Variants in RBM20 observed in about 807,000 individuals in gnomAD.
The protein encoded by RBM20 is RNA binding motif protein 20.
RBM20 carries 51 observed loss-of-function variants against 110.1 expected under a neutral mutation model. The ratio of observed to expected loss-of-function variants is 0.46; its 90% CI spans 0.37 to 0.59. The LOEUF (loss-of-function observed/expected upper bound fraction) is 0.59. Ranked by LOEUF, RBM20 falls within the 20% of genes least tolerant of loss-of-function variation. The pLI, the probability that RBM20 is intolerant of heterozygous loss-of-function variation, is 0.00. For missense variants in RBM20, 1,512 were observed against 1,574.9 expected (o/e 0.96, Z 0.68); for synonymous variants, 589 against 618.2 (o/e 0.95, Z 0.70).
At chr10:110,723,627 T>G (rs2134936637) in intron 1 of RBM20, among the ~76,000 whole-genome samples, 1 of 152,378 alleles carries the variant, frequency 6.6e-6, no homozygotes, top group African/African-American at 2.4e-5. Flanking sequence ...CTAGTGGATA[T>G]GAAGGGGAAA....
chr10:110,785,971 G>A (rs1033454337), intron 5 of RBM20, among the ~76,000 whole-genome samples: 1 of 152,310 alleles, frequency 6.6e-6, no homozygotes, highest in African/African-American at 2.4e-5. Flanking sequence ...GAACTGGTTT[G>A]TGCTGTATGA....
At chr10:110,759,522 T>C (rs1211338112) in intron 1 of RBM20, among the ~76,000 whole-genome samples, 1 of 152,126 alleles carries the variant, frequency 6.6e-6, no homozygotes, top group Non-Finnish European at 1.5e-5. Flanking sequence ...CATATATGCA[T>C]TGGGATCTCT....
chr10:110,807,216 G>A (rs1261737515), intron 7 of RBM20, among the ~76,000 whole-genome samples: 1 of 152,230 alleles, frequency 6.6e-6, no homozygotes, highest in Non-Finnish European at 1.5e-5. Flanking sequence ...GGTGCTGGCT[G>A]TGTGAAGATT....
intron 10 of RBM20, 147 bp downstream of exon 10, chr10:110,820,323 T>A (rs1358845479): frequency 1.2e-5 from 7 of 574,144 alleles, no homozygotes; most frequent in Non-Finnish European, 2.2e-5. Context: ...TAGCGCTACT[T>A]TGGAGGAGTG....
At chr10:110,679,074 T>A (rs886632325) in intron 1 of RBM20, among the ~76,000 whole-genome samples, 8 of 152,348 alleles carry the variant, frequency 5.3e-5, no homozygotes, top group African/African-American at 1.9e-4. Context: ...CTTGAATATA[T>A]GAAATGGAGC....
At chr10:110,764,374 T>C (rs1052057851) in intron 1 of RBM20, among the ~76,000 whole-genome samples, 2 of 152,198 alleles carry the variant, frequency 1.3e-5, no homozygotes, top group Admixed American at 1.3e-4. Flanking sequence ...TTATTAAAAA[T>C]GGTCAGCGCG....
At chr10:110,811,985 G>A (rs1400819717) in intron 8 of RBM20, among the ~76,000 whole-genome samples, 2 of 152,192 alleles carry the variant, frequency 1.3e-5, no homozygotes, top group Non-Finnish European at 2.9e-5. Flanking sequence ...GAGAAGGCAA[G>A]CTGGAACCGA....
At chr10:110,727,111 T>A (rs950563608) in intron 1 of RBM20, among the ~76,000 whole-genome samples, 1 of 150,128 alleles carries the variant, frequency 6.7e-6, no homozygotes, top group Non-Finnish European at 1.5e-5. Flanking sequence ...CCCAAAGTGT[T>A]AGGATTACAG....
At chr10:110,824,079 G>A (rs370840636) in intron 12 of RBM20, among the ~76,000 whole-genome samples, 7 of 151,956 alleles carry the variant, frequency 4.6e-5, no homozygotes, top group South Asian at 4.2e-4. Context: ...TGCAAGGGGC[G>A]GCTGTAAACT....
intron 1 of RBM20, among the ~76,000 whole-genome samples, chr10:110,714,006 A>T (rs932781357): frequency 6.6e-6 from 1 of 152,214 alleles, no homozygotes; most frequent in Non-Finnish European, 1.5e-5. Flanking sequence ...GAATGTTATT[A>T]GAATGAAGCT....
At chr10:110,791,870 G>A (rs1231406257) in intron 5 of RBM20, among the ~76,000 whole-genome samples, 2 of 148,986 alleles carry the variant, frequency 1.3e-5, no homozygotes, top group Non-Finnish European at 3.0e-5. Flanking sequence ...TTAGAGATGT[G>A]ACCTCTGCTG....
chr10:110,784,945 A>AT (rs1191526296), intron 5 of RBM20, 56 bp downstream of exon 5: 3 of 1,186,260 alleles, frequency 2.5e-6, no homozygotes, highest in Non-Finnish European at 3.6e-6. Flanking sequence ...TAGTTTATTT[A>AT]TTTGTTTGTT....
chr10:110,795,499 C>T (rs544492586), intron 5 of RBM20, among the ~76,000 whole-genome samples: 2 of 152,286 alleles, frequency 1.3e-5, no homozygotes, highest in African/African-American at 4.8e-5. Flanking sequence ...TTCTTATTGA[C>T]TGTAATTGTT....
intron 12 of RBM20, 68 bp downstream of exon 12, chr10:110,823,682 G>C (rs1369679992): frequency 4.7e-6 from 7 of 1,479,864 alleles, no homozygotes; most frequent in Non-Finnish European, 6.4e-6. Context: ...GCAACCTCAA[G>C]AGCTTGAGAG....
At chr10:110,672,590 GTT>G (rs1256373983) in intron 1 of RBM20, among the ~76,000 whole-genome samples, 1 of 152,236 alleles carries the variant, frequency 6.6e-6, no homozygotes, top group Admixed American at 6.5e-5. Flanking sequence ...CGCCCCCACG[GTT>G]CTCCAGCGAC....
chr10:110,793,315 T>G (rs571013944), intron 5 of RBM20, among the ~76,000 whole-genome samples: 20 of 152,286 alleles, frequency 1.3e-4, no homozygotes, highest in African/African-American at 4.8e-4. Flanking sequence ...GCAGCCACTG[T>G]CCCGCATCTT....
chr10:110,812,735 G>A lies in RBM20; in HGVS notation c.2338G>A (p.Gly780Arg), dbSNP rs750988872. Residue 780 changes from glycine (G) to arginine (R), a missense_variant, in exon 9 of 14, where the codon GGG (glycine) becomes AGG (arginine). By Grantham distance (125) the Gly-to-Arg change is moderately radical. Coordinates refer to ENST00000369519, the MANE Select transcript of RBM20 (RefSeq NM_001134363.3). The part of the protein sequence containing the change: ...KYLKQQQDAP[G>R]RSRRKDEARL... ...TCTGAAGCAGCAGCAGGATGCCCCC[G>A]GGAGGTCCAGGAGGAAAGACGAGGC... 32 of 1,551,620 alleles carry A rather than the reference G, an allele frequency of 2.1e-5. No individual in the cohort carries two copies. Among genetic ancestry groups the A allele is most frequent in the Middle Eastern group, 1.7e-4 (1 of 6,014 alleles).
chr10:110,761,115 A>AAT (rs372225784), intron 1 of RBM20: 1 of 114,944 alleles, frequency 8.7e-6, no homozygotes, highest in East Asian at 2.4e-4. Flanking sequence ...AAAAAAAAAA[A>AAT]GAAAAGAGAA....
chr10:110,812,800 A>G lies in RBM20; in HGVS notation c.2403A>G (p.Ser801=). The part of the protein sequence containing the change: ...RESRHPHPDD[S]GKEDGLGPKV... Reference sequence around the variant, plus strand: ...GCAGACACCCCCATCCGGATGACTCAGGCAAGGAAGATGGGCTGGGGCCAA... The same window carrying G: ...GCAGACACCCCCATCCGGATGACTCGGGCAAGGAAGATGGGCTGGGGCCAA... Residue 801 remains serine, a synonymous_variant, in exon 9 of 14, where the codon TCA becomes TCG. Transcript: ENST00000369519. 6.4e-7 allele frequency: 1 copy of G among 1,550,982 alleles called. No homozygotes were observed. The highest frequency in any genetic ancestry group is 8.7e-7 in the Non-Finnish European group (1 of 1,146,470).
Sources: gnomAD v4.1 joint callset for allele counts (sites outside exome capture counted in the v4.1 genomes callset) on GRCh38, gnomAD v4.1.1 for gene constraint, MANE v1.5 for transcripts, NCBI Gene and HGNC (gene_info 2026-07-23, HGNC 2026-07-21) for gene names.